The following SPOP variants were observed in gnomAD, a reference collection of about 807,000 sequenced individuals.
SPOP encodes speckle type BTB/POZ protein, also known as speckle-type POZ protein.
In SPOP, 11 loss-of-function variants were observed where a neutral mutation model predicts 45.6. The observed-to-expected ratio is 0.24, with a 90% confidence interval of 0.15 to 0.40. SPOP has a LOEUF of 0.40. Ranked by LOEUF, SPOP falls within the 10% of genes least tolerant of loss-of-function variation. The probability of loss-of-function intolerance (pLI) is 1.00; values close to 1 mark genes in which losing one functional copy is unlikely to be tolerated. For synonymous variants in SPOP, 166 were observed against 166.3 expected (o/e 1.00, Z 0.01); for missense variants, 152 against 465.6 (o/e 0.33, Z 6.20).
chr17:49,603,900 T>C (rs972955582), intron 8 of SPOP, among the ~76,000 whole-genome samples: 1 of 152,240 alleles, frequency 6.6e-6, no homozygotes, highest in Admixed American at 6.5e-5. Context: ...CAGTTCAGGC[T>C]GATCACCATG....
At chr17:49,667,242 A>T (rs531447076) in intron 1 of SPOP, among the ~76,000 whole-genome samples, 7 of 151,854 alleles carry the variant, frequency 4.6e-5, no homozygotes, top group African/African-American at 1.7e-4. Flanking sequence ...ACAAAAAAAA[A>T]ATTTTTTTTT....
chr17:49,674,532 A>G (rs1289241491), intron 1 of SPOP, among the ~76,000 whole-genome samples: 1 of 152,222 alleles, frequency 6.6e-6, no homozygotes, highest in Non-Finnish European at 1.5e-5. Context: ...ATTATTTTCT[A>G]TTTATTTGAA....
At chr17:49,624,331 GCACACACACA>G (rs58009760) in intron 1 of SPOP, among the ~76,000 whole-genome samples, 20,498 of 149,268 alleles carry the variant, frequency 0.14, 1,783 homozygotes, top group Non-Finnish European at 0.19. Context: ...GCGCGCGCGC[GCACACACACA>G]CACACACACA....
intron 5 of SPOP, chr17:49,612,927 G>A (rs1196005999): frequency 6.6e-6 from 1 of 152,158 alleles, no homozygotes; most frequent in Non-Finnish European, 1.5e-5. Flanking sequence ...CAAAGTTAAT[G>A]ACCTGTAGTT....
At chr17:49,625,641 A>G (rs2072313972) in intron 1 of SPOP, among the ~76,000 whole-genome samples, 1 of 152,170 alleles carries the variant, frequency 6.6e-6, no homozygotes, top group Non-Finnish European at 1.5e-5. Context: ...AACTAGATCT[A>G]CAGCACCATG....
At chr17:49,624,331 G>GCGCACACACACA (rs71352523) in intron 1 of SPOP, among the ~76,000 whole-genome samples, 80 of 149,304 alleles carry the variant, frequency 5.4e-4, no homozygotes, top group African/African-American at 1.8e-3. Context: ...GCGCGCGCGC[G>GCGCACACACACA]CACACACACA....
At chr17:49,656,807 T>G (rs1053637693) in intron 1 of SPOP, among the ~76,000 whole-genome samples, 5 of 152,164 alleles carry the variant, frequency 3.3e-5, no homozygotes, top group Non-Finnish European at 7.4e-5. Flanking sequence ...AATTCTCTTT[T>G]ATAGGTCTAG....
At chr17:49,605,378 C>A (rs2071818415) in intron 8 of SPOP, among the ~76,000 whole-genome samples, 1 of 152,186 alleles carries the variant, frequency 6.6e-6, no homozygotes, top group South Asian at 2.1e-4. Context: ...TCTGTGAATG[C>A]TCAAGTCACT....
chr17:49,614,181 A>G (rs1231230153), intron 5 of SPOP, among the ~76,000 whole-genome samples: 1 of 152,224 alleles, frequency 6.6e-6, no homozygotes, highest in African/African-American at 2.4e-5. Context: ...TCTAGGAAAA[A>G]CAGACACTGC....
At chr17:49,650,991 G>T (rs1313808150) in intron 1 of SPOP, among the ~76,000 whole-genome samples, 1 of 152,180 alleles carries the variant, frequency 6.6e-6, no homozygotes, top group Non-Finnish European at 1.5e-5. Context: ...TGCCCAATGT[G>T]TTAATAATAC....
rs373013919 is a variant in SPOP at position 49,606,961 on chromosome 17, C to G, written c.837+289G>C. On this transcript the variant is annotated intron_variant, in intron 8 of 9. Transcript: ENST00000504102. ...TTAGTATTATTTGAATCTTTACTATCACTGTGGTTAAATTTGAGATGGAAA... is the reference window on the plus strand; with the variant it reads ...TTAGTATTATTTGAATCTTTACTATGACTGTGGTTAAATTTGAGATGGAAA... 49 of 329,516 alleles carry G rather than the reference C, an allele frequency of 1.5e-4. No homozygotes were observed. In the South Asian group the frequency reaches 2.2e-3, roughly 15 times the overall value. The allele number at this position is 329,516 out of a possible 1,614,324, so 20.4% of individuals were successfully genotyped here. A position where few individuals can be genotyped will look rare whatever the true frequency, so the allele number is the denominator to read the frequency against.
At chr17:49,611,603 CT>C in intron 5 of SPOP, 146 bp from the exon 6 acceptor site, 2 of 724,740 alleles carry the variant, frequency 2.8e-6, no homozygotes, top group Non-Finnish European at 2.3e-6. Context: ...CAAATCAAGG[CT>C]TTAGCCCCGG....
intron 1 of SPOP, among the ~76,000 whole-genome samples, chr17:49,626,275 T>C (rs1217750601): frequency 6.6e-6 from 1 of 152,228 alleles, no homozygotes; most frequent in Non-Finnish European, 1.5e-5. Context: ...AGTTTTATTA[T>C]AGTTCATTCT....
chr17:49,655,412 G>A (rs2072895697), intron 1 of SPOP, among the ~76,000 whole-genome samples: 1 of 152,034 alleles, frequency 6.6e-6, no homozygotes, highest in Non-Finnish European at 1.5e-5. Context: ...TCGGGAGGCT[G>A]AGGCAGGAGA....
chr17:49,614,039 A>G (rs1473377108), intron 5 of SPOP, among the ~76,000 whole-genome samples: 1 of 152,248 alleles, frequency 6.6e-6, no homozygotes, highest in African/African-American at 2.4e-5. Context: ...TCTCACTTTT[A>G]AAGTCAATCC....
intron 5 of SPOP, among the ~76,000 whole-genome samples, chr17:49,614,166 A>ATAGATTCATTTATTT (rs2072033996): frequency 2.0e-5 from 3 of 152,220 alleles, no homozygotes; most frequent in Non-Finnish European, 4.4e-5. Flanking sequence ...ATATAATTAA[A>ATAGATTCATTTATTT]ACAATCTAGG....
chr17:49,645,269 A>G (rs1052558897), intron 1 of SPOP, among the ~76,000 whole-genome samples: 2 of 152,096 alleles, frequency 1.3e-5, no homozygotes, highest in Non-Finnish European at 2.9e-5. Context: ...CTGACTTCAT[A>G]AATGTCAATA....
At chr17:49,632,015 G>A (rs1406836899) in intron 1 of SPOP, among the ~76,000 whole-genome samples, 4 of 152,004 alleles carry the variant, frequency 2.6e-5, no homozygotes, top group Non-Finnish European at 4.4e-5. Flanking sequence ...TAAGCTCAAC[G>A]AGAATAGTAT....
chr17:49,642,611 T>C (rs1400624240), intron 1 of SPOP, among the ~76,000 whole-genome samples: 1 of 152,238 alleles, frequency 6.6e-6, no homozygotes, highest in Non-Finnish European at 1.5e-5. Flanking sequence ...ATAATGGTTT[T>C]TTACTTAGGA....
Sources: gnomAD v4.1 joint callset for allele counts (sites outside exome capture counted in the v4.1 genomes callset) on GRCh38, gnomAD v4.1.1 for gene constraint, MANE v1.5 for transcripts, NCBI Gene and HGNC (gene_info 2026-07-23, HGNC 2026-07-21) for gene names.